CDK6: variants seen among roughly 807,000 people sequenced by gnomAD.
The protein encoded by CDK6 is cyclin dependent kinase 6.
CDK6 carries 6 observed loss-of-function variants against 37.1 expected under a neutral mutation model. The ratio of observed to expected loss-of-function variants is 0.16; its 90% CI spans 0.09 to 0.32. CDK6 has a LOEUF of 0.32. Ranked by LOEUF, CDK6 falls within the 10% of genes least tolerant of loss-of-function variation. CDK6 has a pLI of 1.00. For synonymous variants in CDK6, 160 were observed against 161.3 expected (o/e 0.99, Z 0.06); for missense variants, 224 against 418.9 (o/e 0.53, Z 4.06).
intron 3 of CDK6, among the ~76,000 whole-genome samples, chr7:92,764,407 G>A (rs1799530476): frequency 6.6e-6 from 1 of 152,146 alleles, no homozygotes; most frequent in African/African-American, 2.4e-5. Flanking sequence ...AGAGTGTTGG[G>A]ATAACAGGTG....
chr7:92,715,767 T>A (rs2282991), intron 4 of CDK6, among the ~76,000 whole-genome samples: 140,518 of 152,274 alleles, frequency 0.92, 64,999 homozygotes, highest in Middle Eastern at 0.99. Context: ...GATAACAGGA[T>A]CATAAATTTA....
At chr7:92,679,367 C>T (rs1255216639) in intron 4 of CDK6, among the ~76,000 whole-genome samples, 3 of 152,150 alleles carry the variant, frequency 2.0e-5, no homozygotes, top group African/African-American at 7.2e-5. Context: ...ACTTTATGGA[C>T]CCAACAACGT....
At position 92,666,103 on chromosome 7, in the gene CDK6, C is replaced by T. The variant is rs2282985; in HGVS notation, c.647+5323G>A. The stretch of plus-strand genomic sequence containing the variant: ...CTAGGTTATGGAGGATGGTGAGCCT[C>T]GCTGACACATAAATGACTATTCCTC... On this transcript the variant is annotated intron_variant, in intron 5 of 7. Transcript: ENST00000424848. Among the ~76,000 whole-genome samples the T allele has an allele frequency of 8.5e-5, 13 of 152,200 alleles. No homozygotes were observed. The East Asian group carries it at 9.7e-4, about 11-fold the overall frequency.
chr7:92,746,977 C>A lies in CDK6; in HGVS notation c.370-21184G>T, dbSNP rs778674913. Among the ~76,000 whole-genome samples the A allele has an allele frequency of 2.0e-5, 3 of 152,008 alleles. No homozygotes were observed. In the South Asian group the frequency reaches 6.2e-4, roughly 32 times the overall value. On this transcript the variant is annotated intron_variant, in intron 3 of 7. Transcript: ENST00000424848. ...TATCTTTTTCCTATCTTTAAAAAAA[C>A]ACAGAATATTTCTCACTTCTAGTAT...
intron 2 of CDK6, among the ~76,000 whole-genome samples, chr7:92,819,794 G>A (rs904857298): frequency 6.6e-6 from 1 of 151,986 alleles, no homozygotes; most frequent in Non-Finnish European, 1.5e-5. Flanking sequence ...TAATTACTGA[G>A]AGTAAATTCA....
intron 3 of CDK6, among the ~76,000 whole-genome samples, 191 bp downstream of exon 3, chr7:92,774,505 T>C (rs188215395): frequency 2.5e-4 from 38 of 152,352 alleles, no homozygotes; most frequent in African/African-American, 7.0e-4. Flanking sequence ...CATATGTCTG[T>C]ACTTTGAACA....
Position 92,606,693 on chromosome 7 carries a change from T to C in CDK6, c.*8447A>G, listed in dbSNP as rs1333346682. 1 of 233,106 alleles carries C rather than the reference T, an allele frequency of 4.3e-6. No individual in the cohort carries two copies. The highest frequency in any genetic ancestry group is 2.2e-5 in the African/African-American group (1 of 45,354). The allele number at this position is 233,106 out of a possible 1,614,324, so 14.4% of individuals were successfully genotyped here. ...ATTATAAGTCAGAAGGAAAAAAGCT[T>C]ACTGTATGTGACAGTCTTCCTGAAA... On this transcript the variant is annotated 3_prime_UTR_variant, in exon 8 of 8. Coordinates refer to ENST00000424848, the MANE Select transcript of CDK6 (RefSeq NM_001145306.2).
At chr7:92,820,019 GAA>G (rs1417361351) in intron 2 of CDK6, among the ~76,000 whole-genome samples, 1 of 152,052 alleles carries the variant, frequency 6.6e-6, no homozygotes, top group Non-Finnish European at 1.5e-5. Context: ...TCTGCACTTA[GAA>G]AGATTCCACA....
intron 1 of CDK6, among the ~76,000 whole-genome samples, 185 bp downstream of exon 1, chr7:92,836,293 C>T (rs1457664216): frequency 6.6e-6 from 1 of 151,812 alleles, no homozygotes; most frequent in Admixed American, 6.6e-5. Flanking sequence ...CCCCCATAAC[C>T]AATCCCGTCT....
intron 5 of CDK6, among the ~76,000 whole-genome samples, chr7:92,624,250 A>C (rs1013971844): frequency 6.6e-6 from 1 of 152,176 alleles, no homozygotes; most frequent in Non-Finnish European, 1.5e-5. Context: ...CCCCAAATTC[A>C]TGTTGAAGCC....
chr7:92,826,226 A>AAATAGGGTG (rs1801306965), intron 2 of CDK6, among the ~76,000 whole-genome samples: 1 of 152,116 alleles, frequency 6.6e-6, no homozygotes, highest in Non-Finnish European at 1.5e-5. Flanking sequence ...AAGAGCTTAC[A>AAATAGGGTG]AATAGGGTGT....
At chr7:92,770,145 T>C (rs1404868560) in intron 3 of CDK6, among the ~76,000 whole-genome samples, 3 of 151,982 alleles carry the variant, frequency 2.0e-5, no homozygotes, top group African/African-American at 7.3e-5. Context: ...CAACAATAAG[T>C]CTATGAGGGA....
intron 5 of CDK6, among the ~76,000 whole-genome samples, chr7:92,651,801 A>C (rs1796580968): frequency 6.7e-6 from 1 of 149,776 alleles, no homozygotes; most frequent in Non-Finnish European, 1.5e-5. Context: ...GTCAGCTGTT[A>C]ACTCTCTAGT....
chr7:92,816,067 A>G (rs1801022536), intron 2 of CDK6, among the ~76,000 whole-genome samples: 3 of 152,188 alleles, frequency 2.0e-5, no homozygotes, highest in Admixed American at 2.0e-4. Context: ...TGAACCACAC[A>G]TAACTTTACT....
intron 4 of CDK6, among the ~76,000 whole-genome samples, chr7:92,672,225 AC>A (rs1347043542): frequency 7.0e-6 from 1 of 143,416 alleles, no homozygotes; most frequent in African/African-American, 2.7e-5. Context: ...ACACACACAC[AC>A]ACACACACAC....
At chr7:92,717,313 G>C (rs1319130159) in intron 4 of CDK6, among the ~76,000 whole-genome samples, 1 of 150,970 alleles carries the variant, frequency 6.6e-6, no homozygotes, top group Non-Finnish European at 1.5e-5. Flanking sequence ...TTGCACTCTA[G>C]CCTGGACGAC....
At chr7:92,819,796 G>A (rs1428462566) in intron 2 of CDK6, among the ~76,000 whole-genome samples, 1 of 151,994 alleles carries the variant, frequency 6.6e-6, no homozygotes, top group Non-Finnish European at 1.5e-5. Context: ...ATTACTGAGA[G>A]TAAATTCAGT....
At chr7:92,707,811 C>T (rs753713616) in intron 4 of CDK6, among the ~76,000 whole-genome samples, 77 of 152,304 alleles carry the variant, frequency 5.1e-4, no homozygotes, top group Middle Eastern at 3.4e-3. Flanking sequence ...ACTCTTCCAA[C>T]TTAACAATCT....
chr7:92,754,722 T>C (rs937270790), intron 3 of CDK6, among the ~76,000 whole-genome samples: 2 of 152,216 alleles, frequency 1.3e-5, no homozygotes, highest in African/African-American at 4.8e-5. Flanking sequence ...TTTTCTCATC[T>C]TGGATTGCCT....
Sources: allele counts gnomAD v4.1 joint callset (sites outside exome capture counted in the v4.1 genomes callset), GRCh38; gene constraint gnomAD v4.1.1; transcripts MANE v1.5; gene names NCBI Gene and HGNC (gene_info 2026-07-23, HGNC 2026-07-21).